The following DGKB variants were observed in gnomAD, a reference collection of about 807,000 sequenced individuals.
DGKB encodes the protein 90 kDa diacylglycerol kinase.
In DGKB, 67 loss-of-function variants were observed where a neutral mutation model predicts 114.3. That is an observed-to-expected ratio of 0.59 (90% CI 0.48 to 0.72). The LOEUF (loss-of-function observed/expected upper bound fraction) is 0.72. Among genes scored for constraint, DGKB ranks in the 30% least tolerant of loss-of-function variants. The probability of loss-of-function intolerance (pLI) is 0.00; values close to 1 mark genes in which losing one functional copy is unlikely to be tolerated. For missense variants in DGKB, 907 were observed against 975.2 expected, an observed-to-expected ratio of 0.93 and a Z score of 0.93; for synonymous variants, 398 against 323.1, an observed-to-expected ratio of 1.23 and a Z score of -2.49.
chr7:14,196,831 T>A (rs1785088433), intron 23 of DGKB, among the ~76,000 whole-genome samples: 3 of 152,064 alleles, frequency 2.0e-5, no homozygotes, highest in Admixed American at 1.3e-4. Context: ...TATAGACATG[T>A]TGAAGGACTT....
At chr7:14,906,409 G>A (rs1489709342), upstream of DGKB, among the ~76,000 whole-genome samples, 1 of 148,708 alleles carries the variant, frequency 6.7e-6, no homozygotes, top group Non-Finnish European at 1.5e-5. Flanking sequence ...AGAAGTTATT[G>A]ACATTAGATA....
chr7:14,685,014 G>C (rs1031334608), intron 10 of DGKB, among the ~76,000 whole-genome samples: 1 of 152,098 alleles, frequency 6.6e-6, no homozygotes, highest in South Asian at 2.1e-4. Flanking sequence ...AAAGAAAATT[G>C]CTGAAGACTT....
chr7:14,180,330 C>A (rs970529727), intron 23 of DGKB, among the ~76,000 whole-genome samples: 3 of 152,158 alleles, frequency 2.0e-5, no homozygotes, highest in Non-Finnish European at 2.9e-5. Context: ...TCACAGGGAT[C>A]TGTCTACACC....
chr7:14,410,761 A>G (rs962040338), intron 21 of DGKB, among the ~76,000 whole-genome samples: 1 of 151,184 alleles, frequency 6.6e-6, no homozygotes, highest in African/African-American at 2.4e-5. Flanking sequence ...GCTCTGAGGA[A>G]TCAATGATAT....
intron 21 of DGKB, among the ~76,000 whole-genome samples, chr7:14,370,419 G>T (rs1366753549): frequency 6.6e-6 from 1 of 152,094 alleles, no homozygotes; most frequent in Non-Finnish European, 1.5e-5. Flanking sequence ...GCTCTTTTTG[G>T]TTCCATATGA....
At chr7:14,681,813 G>A (rs1186396914) in intron 12 of DGKB, among the ~76,000 whole-genome samples, 1 of 151,980 alleles carries the variant, frequency 6.6e-6, no homozygotes, top group Admixed American at 6.6e-5. Flanking sequence ...ATTCAAACCA[G>A]GTGAAATTCC....
At chr7:14,757,253 G>A (rs868411356) in intron 3 of DGKB, among the ~76,000 whole-genome samples, 2 of 152,010 alleles carry the variant, frequency 1.3e-5, no homozygotes, top group Non-Finnish European at 2.9e-5. Context: ...CATAGACTGA[G>A]AGCCAAGCAT....
chr7:14,786,672 G>T (rs530167552), intron 2 of DGKB, among the ~76,000 whole-genome samples: 1 of 152,232 alleles, frequency 6.6e-6, no homozygotes, highest in African/African-American at 2.4e-5. Context: ...TGATTTCCGA[G>T]CAAAGTTGTG....
At chr7:14,370,513 GGC>G in intron 21 of DGKB, among the ~76,000 whole-genome samples, 1 of 152,096 alleles carries the variant, frequency 6.6e-6, no homozygotes, top group Non-Finnish European at 1.5e-5. Context: ...AATTACTTTG[GGC>G]AGTATGGCCA....
At chr7:14,328,383 A>G (rs1313165541) in intron 23 of DGKB, among the ~76,000 whole-genome samples, 1 of 151,986 alleles carries the variant, frequency 6.6e-6, no homozygotes, top group African/African-American at 2.4e-5. Flanking sequence ...CTGATTTTTT[A>G]TTAAACCAGA....
At chr7:14,405,721 C>T (rs143937829) in intron 21 of DGKB, among the ~76,000 whole-genome samples, 2 of 151,920 alleles carry the variant, frequency 1.3e-5, no homozygotes, top group East Asian at 1.9e-4. Context: ...AACAAAAGGA[C>T]TTTGTATGTG....
intron 2 of DGKB, among the ~76,000 whole-genome samples, chr7:14,778,222 T>C (rs1319220711): frequency 1.3e-5 from 2 of 152,194 alleles, no homozygotes; most frequent in African/African-American, 2.4e-5. Context: ...AATACATTCC[T>C]TGGAACTTAT....
At chr7:14,176,479 T>C (rs17167943) in intron 25 of DGKB, 354,503 of 997,064 alleles carry the variant, frequency 0.36, 70,108 homozygotes, top group African/African-American at 0.81. Context: ...CTGCATTTCT[T>C]GCAAATAATA....
At chr7:14,206,421 A>G (rs1442337691) in intron 23 of DGKB, among the ~76,000 whole-genome samples, 1 of 152,026 alleles carries the variant, frequency 6.6e-6, no homozygotes, top group Non-Finnish European at 1.5e-5. Context: ...GTACAGCAAA[A>G]GGTGAGATGA....
chr7:14,636,595 A>G (rs1810802464), intron 13 of DGKB, among the ~76,000 whole-genome samples: 1 of 151,880 alleles, frequency 6.6e-6, no homozygotes, highest in Non-Finnish European at 1.5e-5. Flanking sequence ...TTTTGAAAAG[A>G]GTACAAGATA....
chr7:14,798,922 G>A (rs987318976), intron 2 of DGKB, among the ~76,000 whole-genome samples: 1 of 152,172 alleles, frequency 6.6e-6, no homozygotes, highest in Non-Finnish European at 1.5e-5. Context: ...TCAATATCTA[G>A]GAAAATAGTA....
intron 21 of DGKB, among the ~76,000 whole-genome samples, chr7:14,370,440 GT>G (rs772890422): frequency 2.6e-5 from 4 of 151,988 alleles, no homozygotes; most frequent in East Asian, 1.9e-4. Context: ...AATTTAAAGT[GT>G]TTTTTTCTAA....
intron 1 of DGKB, among the ~76,000 whole-genome samples, chr7:14,878,270 T>C (rs955127223): frequency 8.5e-5 from 13 of 152,198 alleles, no homozygotes; most frequent in African/African-American, 3.1e-4. Flanking sequence ...AATGGAAATG[T>C]AGAGTAAAAT....
At chr7:14,639,663 G>C (rs1248908626) in intron 13 of DGKB, among the ~76,000 whole-genome samples, 1 of 152,184 alleles carries the variant, frequency 6.6e-6, no homozygotes, top group African/African-American at 2.4e-5. Context: ...TAAAGGTACG[G>C]GCCAAGGCTA....
Sources: gnomAD v4.1 joint callset for allele counts (sites outside exome capture counted in the v4.1 genomes callset) on GRCh38, gnomAD v4.1.1 for gene constraint, MANE v1.5 for transcripts, NCBI Gene and HGNC (gene_info 2026-07-23, HGNC 2026-07-21) for gene names.